Variants in TCEANC observed in about 807,000 individuals in gnomAD.
The protein encoded by TCEANC is transcription elongation factor A N-terminal and central domain containing, also known as transcription elongation factor A N-terminal and central domain-containing protein.
In TCEANC, 8 loss-of-function variants were observed where a neutral mutation model predicts 8.7. That is an observed-to-expected ratio of 0.92 (90% CI 0.54 to 1.65). TCEANC has a LOEUF of 1.65. Among genes scored for constraint, TCEANC ranks in the 40% most tolerant of loss-of-function variants. The probability of loss-of-function intolerance (pLI) is 0.00; values close to 1 mark genes in which losing one functional copy is unlikely to be tolerated. For synonymous variants in TCEANC, 78 were observed against 92.9 expected (o/e 0.84, Z 0.92); for missense variants, 255 against 251.9 (o/e 1.01, Z -0.08).
chrX:13,655,249 T>TG (rs2045916473), upstream of TCEANC: 4 of 112,263 alleles, frequency 3.6e-5, no homozygotes, highest in Non-Finnish European at 7.5e-5. Context: ...GCAGGTTTCC[T>TG]CACCTGTAAG....
chrX:13,663,499 A>T, exon 2 of TCEANC: 1 of 1,174,568 alleles, frequency 8.5e-7, no homozygotes, highest in Non-Finnish European at 1.1e-6. Flanking sequence ...TGAACAAATG[A>T]TGACTTACGT....
chrX:13,663,036 A>C, exon 2 of TCEANC: 2 of 1,211,310 alleles, frequency 1.7e-6, no homozygotes, highest in Non-Finnish European at 2.2e-6. Context: ...TGAGAACTAA[A>C]TGCATAGAGC....
upstream of TCEANC, chrX:13,653,383 C>G (rs1181964797): frequency 4.5e-5 from 5 of 112,050 alleles, no homozygotes; most frequent in Non-Finnish European, 1.9e-5. Context: ...TCGGGACTGT[C>G]GCTGTTTGTG....
chrX:13,658,313 A>T (rs2045940179), intron 1 of TCEANC, among the ~76,000 whole-genome samples: 1 of 112,168 alleles, frequency 8.9e-6, no homozygotes, highest in Non-Finnish European at 1.9e-5. Flanking sequence ...GGGGAATTGT[A>T]TGGTATGTGA....
intron 1 of TCEANC, among the ~76,000 whole-genome samples, chrX:13,658,356 A>G (rs1374604959): frequency 8.9e-6 from 1 of 112,385 alleles, no homozygotes; most frequent in Non-Finnish European, 1.9e-5. Flanking sequence ...ATTTAAAAAT[A>G]GAATCTGGTC....
intron 1 of TCEANC, among the ~76,000 whole-genome samples, chrX:13,657,978 G>T (rs1471611692): frequency 1.8e-5 from 2 of 112,458 alleles, no homozygotes; most frequent in Non-Finnish European, 3.8e-5. Flanking sequence ...GAAAAGGAAT[G>T]AAGTACTGAA....
upstream of TCEANC, chrX:13,653,238 G>A (rs1489647559): frequency 8.8e-6 from 1 of 113,083 alleles, no homozygotes; most frequent in African/African-American, 3.2e-5. Flanking sequence ...AAAAAGGCGA[G>A]CCCTTATTCC....
At chrX:13,665,391 A>G (rs2046008109) in exon 2 of TCEANC, 1 of 123,411 alleles carries the variant, frequency 8.1e-6, no homozygotes, top group Non-Finnish European at 1.9e-5. Context: ...CAGACAAATA[A>G]AAGTAATTAA....
chrX:13,660,157 C>G (rs1452606087), intron 1 of TCEANC, among the ~76,000 whole-genome samples: 1 of 112,081 alleles, frequency 8.9e-6, no homozygotes, highest in Non-Finnish European at 1.9e-5. Flanking sequence ...ATGAAAATTA[C>G]CTAAAATCTT....
chrX:13,663,509 TA>T lies in TCEANC; in HGVS notation c.1003del (p.Ile335PhefsTer25). On this transcript the variant is annotated frameshift_variant, in exon 2 of 2. Transcript: ENST00000380600. LOFTEE classifies it high-confidence loss of function. Reference sequence around the variant, plus strand: ...CCAGATGAACAAATGATGACTTACGTAATTTGTAACGAATGTGGGGAGCAGT... The same window carrying T: ...CCAGATGAACAAATGATGACTTACGTATTTGTAACGAATGTGGGGAGCAGT... The T allele has an allele frequency of 8.5e-7, 1 of 1,171,179 alleles. No individual in the cohort carries two copies. Among genetic ancestry groups the T allele is most frequent in the Non-Finnish European group, 1.1e-6 (1 of 874,851 alleles).
chrX:13,663,556 T>G, exon 2 of TCEANC: 1 of 1,135,671 alleles, frequency 8.8e-7, no homozygotes, highest in Middle Eastern at 2.4e-4. Flanking sequence ...CAAGTGGGTG[T>G]GCTGGTAACT....
At chrX:13,663,524 G>A in exon 2 of TCEANC, 1 of 1,162,821 alleles carries the variant, frequency 8.6e-7, no homozygotes, top group Non-Finnish European at 1.1e-6. Context: ...TGTAACGAAT[G>A]TGGGGAGCAG....
upstream of TCEANC, among the ~76,000 whole-genome samples, chrX:13,653,842 TATA>T (rs1189275153): frequency 1.8e-5 from 2 of 112,176 alleles, no homozygotes; most frequent in Non-Finnish European, 1.9e-5. Context: ...CCTTGCTTAC[TATA>T]ATATTAGCTA....
chrX:13,662,427 G>A, intron 1 of TCEANC, 74 bp from the exon 5 acceptor site: 1 of 948,090 alleles, frequency 1.1e-6, no homozygotes, highest in Non-Finnish European at 1.5e-6. Context: ...GACAGAAAGT[G>A]CTATTTTAGT....
chrX:13,661,508 A>G (rs2045966232), intron 1 of TCEANC, among the ~76,000 whole-genome samples: 1 of 112,148 alleles, frequency 8.9e-6, no homozygotes, highest in African/African-American at 3.2e-5. Flanking sequence ...TAGCCTGTGT[A>G]TGTTCGGTGG....
chrX:13,659,442 AAGC>A (rs758681748), intron 1 of TCEANC, among the ~76,000 whole-genome samples: 4 of 111,882 alleles, frequency 3.6e-5, no homozygotes, highest in Non-Finnish European at 7.5e-5. Context: ...AGTGGGGTGA[AAGC>A]AGCAATTTGT....
chrX:13,660,602 GT>G (rs2045959460), intron 1 of TCEANC, among the ~76,000 whole-genome samples: 1 of 112,340 alleles, frequency 8.9e-6, no homozygotes, highest in African/African-American at 3.2e-5. Flanking sequence ...TGTTTTCAAG[GT>G]TCATCCATGT....
chrX:13,662,667 C>G lies in TCEANC; in HGVS notation c.159C>G (p.Tyr53Ter), dbSNP rs1399346709. The G allele has an allele frequency of 1.7e-6, 2 of 1,211,658 alleles. No individual in the cohort carries two copies. The highest frequency in any genetic ancestry group is 2.2e-6 in the Non-Finnish European group (2 of 895,461). The stretch of plus-strand genomic sequence containing the variant: ...AGACAGATGTGGTCAGAGCTGTGTA[C>G]AGAGTCCTCAAAAACTGCCCCTCTG... The change falls in exon 2 of 2, where the codon TAC becomes TAG. Residue 53 changes from tyrosine (Y) to a stop codon, truncating the protein, a stop_gained. Transcript: ENST00000380600. LOFTEE classifies it low-confidence loss of function (END_TRUNC).
intron 1 of TCEANC, 94 bp from the exon 5 acceptor site, chrX:13,662,407 C>T (rs1023653867): frequency 1.3e-6 from 1 of 785,699 alleles, no homozygotes; most frequent in Non-Finnish European, 1.8e-6. Context: ...AAAACATTGC[C>T]TAGGTAACTG....
Sources: allele counts gnomAD v4.1 joint callset (sites outside exome capture counted in the v4.1 genomes callset), GRCh38; gene constraint gnomAD v4.1.1; transcripts MANE v1.5; gene names NCBI Gene and HGNC (gene_info 2026-07-23, HGNC 2026-07-21).